Variants in FGF14 observed in about 807,000 individuals in gnomAD.
FGF14 encodes fibroblast growth factor 14, also known as fibroblast growth factor homologous factor 4.
In FGF14, 5 loss-of-function variants were observed where a neutral mutation model predicts 25.5. The observed-to-expected ratio is 0.20, with a 90% CI of 0.10 to 0.41. The LOEUF is 0.41. FGF14 is among the 10% of genes least tolerant of loss of function. The pLI is 1.00. For missense variants in FGF14, 222 were observed against 320.1 expected, an observed-to-expected ratio of 0.69 and a Z score of 2.34; for synonymous variants, 138 against 118.3, an observed-to-expected ratio of 1.17 and a Z score of -1.08.
At chr13:101,740,870 A>G (rs970389028) in intron 3 of FGF14, among the ~76,000 whole-genome samples, 1 of 152,162 alleles carries the variant, frequency 6.6e-6, no homozygotes, top group Admixed American at 6.5e-5. Flanking sequence ...ATGCATTCCT[A>G]TAACAAAGAC....
chr13:102,035,769 C>T (rs2041441994), intron 1 of FGF14, among the ~76,000 whole-genome samples: 1 of 152,126 alleles, frequency 6.6e-6, no homozygotes, highest in Non-Finnish European at 1.5e-5. Context: ...ACGTCCCTCT[C>T]CACCTGTGTC....
intron 1 of FGF14, among the ~76,000 whole-genome samples, chr13:102,040,074 T>C (rs1445072937): frequency 6.6e-6 from 1 of 152,154 alleles, no homozygotes; most frequent in African/African-American, 2.4e-5. Context: ...TGAGTTGTTG[T>C]TTCAATAAAC....
chr13:102,248,117 CA>C (rs984231015), intron 1 of FGF14, among the ~76,000 whole-genome samples: 2 of 151,584 alleles, frequency 1.3e-5, no homozygotes, highest in African/African-American at 4.8e-5. Flanking sequence ...GGGAGAGGAA[CA>C]GTAAAAAAGC....
At chr13:102,060,583 T>C (rs2042639782) in intron 1 of FGF14, among the ~76,000 whole-genome samples, 1 of 152,212 alleles carries the variant, frequency 6.6e-6, no homozygotes, top group African/African-American at 2.4e-5. Context: ...CTGCTTCACA[T>C]TTTTTGATAG....
chr13:101,827,216 C>A (rs1315468701), intron 3 of FGF14, among the ~76,000 whole-genome samples: 1 of 151,858 alleles, frequency 6.6e-6, no homozygotes, highest in Non-Finnish European at 1.5e-5. Flanking sequence ...TTGTATAGCA[C>A]TAGAAAATAA....
chr13:101,898,542 A>C (rs1181412142), intron 1 of FGF14, among the ~76,000 whole-genome samples: 1 of 152,166 alleles, frequency 6.6e-6, no homozygotes, highest in African/African-American at 2.4e-5. Context: ...ATTTACATAC[A>C]AATTTGGTGC....
At chr13:102,365,289 G>A (rs528909589) in intron 1 of FGF14, among the ~76,000 whole-genome samples, 35 of 152,124 alleles carry the variant, frequency 2.3e-4, no homozygotes, top group African/African-American at 8.2e-4. Context: ...ATCCTAGAGG[G>A]CCATGCCTGG....
intron 3 of FGF14, among the ~76,000 whole-genome samples, chr13:101,751,665 T>C (rs2037283531): frequency 6.6e-6 from 1 of 152,076 alleles, no homozygotes; most frequent in African/African-American, 2.4e-5. Context: ...GAAAGTATGG[T>C]TGGAAGACAG....
At chr13:101,863,573 G>A (rs2044538956) in intron 3 of FGF14, among the ~76,000 whole-genome samples, 1 of 152,160 alleles carries the variant, frequency 6.6e-6, no homozygotes, top group African/African-American at 2.4e-5. Flanking sequence ...AGACAGGACA[G>A]GTGCTAGGGA....
chr13:101,746,500 G>C (rs768307430), intron 3 of FGF14, among the ~76,000 whole-genome samples: 2 of 151,934 alleles, frequency 1.3e-5, no homozygotes, highest in African/African-American at 4.8e-5. Flanking sequence ...ATGCAATGTC[G>C]AATGCAATTT....
At chr13:101,744,221 T>A (rs780260797) in intron 3 of FGF14, among the ~76,000 whole-genome samples, 1 of 152,116 alleles carries the variant, frequency 6.6e-6, no homozygotes, top group Non-Finnish European at 1.5e-5. Flanking sequence ...GAAAGTAGCA[T>A]GCTAGAGCCT....
intron 1 of FGF14, among the ~76,000 whole-genome samples, chr13:101,902,257 T>TA (rs2031661757): frequency 6.6e-6 from 1 of 152,064 alleles, no homozygotes; most frequent in South Asian, 2.1e-4. Context: ...CCCTTTTTTT[T>TA]ATTATATTAT....
At chr13:102,014,750 A>C (rs1291299206) in intron 1 of FGF14, among the ~76,000 whole-genome samples, 3 of 152,206 alleles carry the variant, frequency 2.0e-5, no homozygotes, top group Admixed American at 2.0e-4. Flanking sequence ...AGCTAAAAAC[A>C]CAATAAATAA....
rs139339410 is a variant in FGF14, at chr13:102,038,451, C to T, written c.209-163155G>A. Among the ~76,000 whole-genome samples the T allele has an allele frequency of 4.9e-4, 74 of 152,092 alleles. No homozygotes were observed. In the Middle Eastern group the frequency reaches 0.014, roughly 28 times the overall value. ...TGAAAAACATTTTCCAGGGAGCACC[C>T]GGGAACAGTTATATTATCCATTTTT... On this transcript the variant is annotated intron_variant, in intron 1 of 4. Transcript: ENST00000376131.
intron 1 of FGF14, among the ~76,000 whole-genome samples, chr13:101,877,569 G>A (rs1232544714): frequency 1.3e-5 from 2 of 152,234 alleles, no homozygotes; most frequent in East Asian, 3.9e-4. Context: ...GCTACCTAAT[G>A]CAGCCTGTAC....
At chr13:101,850,682 T>A (rs934412003) in intron 3 of FGF14, among the ~76,000 whole-genome samples, 5 of 142,734 alleles carry the variant, frequency 3.5e-5, no homozygotes, top group South Asian at 2.2e-4. Context: ...ATAGAATATA[T>A]ATAGAATATA....
chr13:102,161,648 A>C (rs760396762), intron 1 of FGF14, among the ~76,000 whole-genome samples: 17 of 18,424 alleles, frequency 9.2e-4, no homozygotes, highest in Non-Finnish European at 1.3e-3. Context: ...AAGAAGAAGA[A>C]GAAGAAGAAG....
intron 1 of FGF14, among the ~76,000 whole-genome samples, chr13:102,119,166 C>A (rs985283320): frequency 2.0e-5 from 3 of 152,146 alleles, no homozygotes; most frequent in Non-Finnish European, 4.4e-5. Context: ...GTATCCTTGC[C>A]AAAATGAGTA....
intron 1 of FGF14, among the ~76,000 whole-genome samples, chr13:102,079,418 A>G (rs553569002): frequency 2.0e-5 from 3 of 152,302 alleles, no homozygotes; most frequent in East Asian, 1.9e-4. Context: ...TGATCTATTC[A>G]ATAAATATGT....
Sources: allele counts gnomAD v4.1 joint callset (sites outside exome capture counted in the v4.1 genomes callset), GRCh38; gene constraint gnomAD v4.1.1; transcripts MANE v1.5; gene names NCBI Gene and HGNC (gene_info 2026-07-23, HGNC 2026-07-21).